Variants in KIF13A observed in about 807,000 individuals in gnomAD.
KIF13A encodes the protein kinesin family member 13A, also known as kinesin-like protein KIF13A.
KIF13A carries 79 observed loss-of-function variants against 212.2 expected under a neutral mutation model. The ratio of observed to expected loss-of-function variants is 0.37; its 90% CI spans 0.31 to 0.45. The LOEUF (loss-of-function observed/expected upper bound fraction) is 0.45. Among genes scored for constraint, KIF13A ranks in the 20% least tolerant of loss-of-function variants. The pLI is 1.00. For missense variants in KIF13A, 1,901 were observed against 2,209.0 expected, an observed-to-expected ratio of 0.86 and a Z score of 2.79; for synonymous variants, 789 against 808.6, an observed-to-expected ratio of 0.98 and a Z score of 0.41.
chr6:17,833,523 AT>A (rs1449100788), intron 12 of KIF13A, among the ~76,000 whole-genome samples: 16 of 140,790 alleles, frequency 1.1e-4, no homozygotes, highest in African/African-American at 3.7e-4. Context: ...AAAAAAAGTG[AT>A]CTTTGCAATC....
chr6:17,981,061 T>C (rs1293702094), intron 2 of KIF13A, among the ~76,000 whole-genome samples: 1 of 150,876 alleles, frequency 6.6e-6, no homozygotes, highest in African/African-American at 2.4e-5. Context: ...TTATAAATTA[T>C]ATGACCACTT....
intron 2 of KIF13A, among the ~76,000 whole-genome samples, chr6:17,906,453 C>CTTTT (rs71002281): frequency 8.5e-6 from 1 of 117,662 alleles, no homozygotes; most frequent in Non-Finnish European, 1.7e-5. Context: ...TTTCTTTCTT[C>CTTTT]TTTTTTTTTT....
chr6:17,880,420 A>G (rs1770949920), intron 3 of KIF13A, among the ~76,000 whole-genome samples: 1 of 152,048 alleles, frequency 6.6e-6, no homozygotes, highest in African/African-American at 2.4e-5. Flanking sequence ...TGAGGTCAGG[A>G]GTTCAAGAGC....
rs192132843 is a variant in KIF13A, at chr6:17,883,399, A to C, written c.160-9962T>G. ...AATAAGGCAACTTCCTGGTGAACTA[A>C]CTACCTCTTAATCAATCATGTAAAT... On this transcript the variant is annotated intron_variant, in intron 3 of 38. Transcript: ENST00000259711. This position sits in a 1 kb window ranked among gnomAD's most constrained non-coding sequence, Gnocchi z 4.8. 2.2e-3 allele frequency among the ~76,000 whole-genome samples: 336 copies of C among 152,300 alleles called. 1 individual carries two copies. The highest frequency in any genetic ancestry group is 3.8e-3 in the Non-Finnish European group (256 of 68,026).
rs1320729527 is a variant in KIF13A at position 17,914,245 on chromosome 6, T to C, written c.147-16065A>G. 6.6e-6 allele frequency among the ~76,000 whole-genome samples: 1 copy of C among 152,228 alleles called. No individual in the cohort carries two copies. Among genetic ancestry groups the C allele is most frequent in the Admixed American group, 6.5e-5 (1 of 15,282 alleles). ...AAATTTTTATTGCTTTTAAACTACA[T>C]TATTTATAGTGACCCTTGTTTTTCA... On this transcript the variant is annotated intron_variant, in intron 2 of 38. Transcript: ENST00000259711. The surrounding 1 kb of genome is among the most constrained non-coding windows in gnomAD (Gnocchi z 5.9).
chr6:17,894,352 C>G (rs1772366540), intron 3 of KIF13A, among the ~76,000 whole-genome samples: 1 of 152,118 alleles, frequency 6.6e-6, no homozygotes, highest in African/African-American at 2.4e-5. Flanking sequence ...AAGCTAGTCT[C>G]AAACAATCCT....
At chr6:17,983,580 T>A (rs539808519) in intron 2 of KIF13A, among the ~76,000 whole-genome samples, 2 of 148,072 alleles carry the variant, frequency 1.4e-5, no homozygotes, top group African/African-American at 4.9e-5. Flanking sequence ...GCAACCTCCA[T>A]CGCCAAGGCT....
intron 35 of KIF13A, among the ~76,000 whole-genome samples, chr6:17,774,540 G>GC (rs1340777158): frequency 6.6e-6 from 1 of 152,156 alleles, no homozygotes; most frequent in Non-Finnish European, 1.5e-5. Flanking sequence ...TTGGGAGGCC[G>GC]AGGCGGATCG....
chr6:17,767,383 T>C (rs1759098327), intron 38 of KIF13A, among the ~76,000 whole-genome samples: 1 of 152,100 alleles, frequency 6.6e-6, no homozygotes, highest in African/African-American at 2.4e-5. Context: ...GCCTCCCAAG[T>C]AGCTGGGATT....
intron 23 of KIF13A, among the ~76,000 whole-genome samples, chr6:17,795,861 AAT>A (rs1482349562): frequency 6.6e-6 from 1 of 152,340 alleles, no homozygotes; most frequent in African/African-American, 2.4e-5. Context: ...GTGGCCTGAG[AAT>A]ATGTGACTAT....
intron 25 of KIF13A, among the ~76,000 whole-genome samples, chr6:17,791,208 T>C (rs1761521823): frequency 6.6e-6 from 1 of 152,076 alleles, no homozygotes; most frequent in Non-Finnish European, 1.5e-5. Flanking sequence ...GAACTAATGC[T>C]TCCTATTAAT....
At position 17,804,407 on chromosome 6, in the gene KIF13A, T is replaced by A. The variant is rs1365012546; in HGVS notation, c.2408A>T (p.Asp803Val). 1.9e-6 allele frequency: 3 copies of A among 1,556,538 alleles called. No homozygotes were observed. The highest frequency in any genetic ancestry group is 2.6e-6 in the Non-Finnish European group (3 of 1,149,410). ...AGGGACTGCATACTGAAGTTTCACA[T>A]CACAGAAGAGGCATTCCAAGAATAC... ...ANVFLECLFCDVKLQYAVPII... is the reference protein window; with the variant it reads ...ANVFLECLFCVVKLQYAVPII... The change falls in exon 20 of 39, where the codon GAT (aspartate) becomes GTT (valine). Residue 803 changes from aspartate (D) to valine (V), a missense_variant. Asp to Val is a radical substitution (Grantham distance 152). Transcript: ENST00000259711.
At chr6:17,975,514 G>GA (rs1422790639) in intron 2 of KIF13A, among the ~76,000 whole-genome samples, 3 of 152,106 alleles carry the variant, frequency 2.0e-5, no homozygotes, top group Admixed American at 1.3e-4. Flanking sequence ...CCCAAAAAGG[G>GA]AGCAGCAACA....
intron 2 of KIF13A, among the ~76,000 whole-genome samples, chr6:17,975,831 C>A (rs1022106204): frequency 6.6e-6 from 1 of 152,166 alleles, no homozygotes; most frequent in East Asian, 1.9e-4. Context: ...CATTCACGAA[C>A]CCTGAGCTAG....
intron 2 of KIF13A, among the ~76,000 whole-genome samples, chr6:17,974,995 TCA>T (rs1263065855): frequency 2.0e-5 from 3 of 152,214 alleles, no homozygotes; most frequent in Non-Finnish European, 2.9e-5. Context: ...AGACTAGTTC[TCA>T]AAGCTTGGTC....
chr6:17,805,613 T>A lies in KIF13A; in HGVS notation c.2166A>T (p.Arg722Ser). 1 of 1,601,344 alleles carries A rather than the reference T, an allele frequency of 6.2e-7. No individual in the cohort carries two copies. Among genetic ancestry groups the A allele is most frequent in the Non-Finnish European group, 8.5e-7 (1 of 1,172,986 alleles). Residue 722 changes from arginine to serine, a missense_variant and splice_region_variant, in exon 19 of 39, where the codon AGA (arginine) becomes AGT (serine). Physicochemically the swap from Arg to Ser is moderately radical, Grantham distance 110. Transcript: ENST00000259711. ...PAANLSANRK[R>S]GAIVSEPAIQ... Reference sequence around the variant, plus strand: ...TAGCTGGTTCACTCACTATTGCACCTCTCTGCATAAGGAAGAAAAACAAAA... The same window carrying A: ...TAGCTGGTTCACTCACTATTGCACCACTCTGCATAAGGAAGAAAAACAAAA...
In KIF13A at chr6:17,787,412, G is replaced by C. The variant is rs927041453; in HGVS notation, c.3361+364C>G. ...TAACACCTGCAATTCCAGCAGTTTG[G>C]GAGGCTGAAGTGGGAGGATCACTTG... On this transcript the variant is annotated intron_variant, in intron 27 of 38. Transcript: ENST00000259711. This position sits in a 1 kb window ranked among gnomAD's most constrained non-coding sequence, Gnocchi z 4.6. Among the ~76,000 whole-genome samples the C allele has an allele frequency of 2.0e-5, 3 of 152,242 alleles. No homozygotes were observed. The highest frequency in any genetic ancestry group is 7.2e-5 in the African/African-American group (3 of 41,538).
intron 7 of KIF13A, among the ~76,000 whole-genome samples, chr6:17,851,568 G>C (rs1439699334): frequency 6.6e-6 from 1 of 152,224 alleles, no homozygotes; most frequent in Non-Finnish European, 1.5e-5. Flanking sequence ...AGGAGAGCCA[G>C]AAGTGACAGA....
At chr6:17,878,473 G>A (rs933483707) in intron 3 of KIF13A, among the ~76,000 whole-genome samples, 3 of 149,982 alleles carry the variant, frequency 2.0e-5, no homozygotes, top group African/African-American at 7.5e-5. Flanking sequence ...ATAGAGACAG[G>A]GTCATGTTGT....
Sources: gnomAD v4.1 joint callset for allele counts (sites outside exome capture counted in the v4.1 genomes callset) on GRCh38, gnomAD v4.1.1 for gene constraint, Gnocchi (gnomAD v3.1) non-coding constraint, MANE v1.5 for transcripts, NCBI Gene and HGNC (gene_info 2026-07-23, HGNC 2026-07-21) for gene names.